C4orf33: variants seen among roughly 807,000 people sequenced by gnomAD.
C4orf33 encodes the protein UPF0462 protein C4orf33.
In C4orf33, 20 loss-of-function variants were observed where a neutral mutation model predicts 24.3. The observed-to-expected ratio is 0.82, with a 90% CI of 0.58 to 1.19. The LOEUF (loss-of-function observed/expected upper bound fraction) is 1.19. Ranked by LOEUF, C4orf33 falls within the 50% of genes most tolerant of loss-of-function variation. C4orf33 has a pLI of 0.00. For missense variants in C4orf33, 207 were observed against 225.9 expected (o/e 0.92, Z 0.54); for synonymous variants, 67 against 76.4 (o/e 0.88, Z 0.64).
At position 129,102,782 on chromosome 4, in the gene C4orf33, G is replaced by A; in HGVS notation, c.172G>A (p.Asp58Asn). 1.2e-6 allele frequency: 2 copies of A among 1,611,514 alleles called. No homozygotes were observed. Among genetic ancestry groups the A allele is most frequent in the Non-Finnish European group, 8.5e-7 (1 of 1,179,068 alleles). ...EPGKPFNELWDYEVVEAFFLN... is the reference protein window; with the variant it reads ...EPGKPFNELWNYEVVEAFFLN... ...AGGAAAACCTTTCAATGAACTGTGG[G>A]ATTATGAAGGTAAGTGGAAGTACTG... is the stretch of plus-strand genomic sequence containing the variant. The change falls in exon 2 of 6, where the codon GAT (aspartate) becomes AAT (asparagine). Residue 58 changes from aspartate to asparagine, a missense_variant. Transcript: ENST00000425929.
At chr4:129,107,116 A>G (rs188471339) in intron 3 of C4orf33, among the ~76,000 whole-genome samples, 8 of 152,008 alleles carry the variant, frequency 5.3e-5, no homozygotes, top group African/African-American at 1.9e-4. Flanking sequence ...TGTATTACAT[A>G]ATTATGCATT....
At chr4:129,096,299 G>A (rs554111346) in intron 1 of C4orf33, 90 bp downstream of exon 1, 5 of 152,198 alleles carry the variant, frequency 3.3e-5, no homozygotes, top group East Asian at 3.9e-4. Context: ...GGAAAATACT[G>A]AAAAGTATTT....
intron 3 of C4orf33, among the ~76,000 whole-genome samples, chr4:129,108,022 A>C (rs1055106077): frequency 6.6e-6 from 1 of 152,100 alleles, no homozygotes; most frequent in Non-Finnish European, 1.5e-5. Flanking sequence ...AATAATCAAG[A>C]ATCATAGTTT....
chr4:129,107,107 G>C (rs1191605913), intron 3 of C4orf33, among the ~76,000 whole-genome samples: 2 of 151,986 alleles, frequency 1.3e-5, no homozygotes, highest in Non-Finnish European at 2.9e-5. Context: ...TTAATTTTAT[G>C]TATTACATAA....
At position 129,112,363 on chromosome 4, in the gene C4orf33, C is replaced by T. The variant is rs919437065; in HGVS notation, c.*572C>T. The T allele has an allele frequency of 3.9e-5, 6 of 152,128 alleles. No homozygotes were observed. The highest frequency in any genetic ancestry group is 7.4e-5 in the Non-Finnish European group (5 of 68,016). 9.4% of individuals were successfully genotyped at this position (152,128 alleles called of 1,614,324 possible). ...AAAACATTAAGTTGAGCAAAACAAA[C>T]CAAACATAACATACTATCTAATTAC... On this transcript the variant is annotated 3_prime_UTR_variant, in exon 6 of 6. Transcript: ENST00000425929.
rs376154093 is a variant in C4orf33 at position 129,109,580 on chromosome 4, A to C, written c.402A>C (p.Ser134=). The part of the protein sequence containing the change: ...YFPPNVTKFN[S]FAIHGSKDKR... ...CACCAAATGTGACAAAATTCAATTC[A>C]TTTGCAATTCATGGATCAAAAGATA... The change falls in exon 5 of 6, where the codon TCA becomes TCC. Residue 134 remains serine, a synonymous_variant. Transcript: ENST00000425929. The C allele has an allele frequency of 5.0e-6, 8 of 1,613,948 alleles. No individual in the cohort carries two copies. Among genetic ancestry groups the C allele is most frequent in the Non-Finnish European group, 5.1e-6 (6 of 1,179,924 alleles).
intron 1 of C4orf33, among the ~76,000 whole-genome samples, chr4:129,101,421 G>C (rs988320084): frequency 6.6e-6 from 1 of 151,986 alleles, no homozygotes; most frequent in African/African-American, 2.4e-5. Context: ...GTTTGGAAAG[G>C]TTATCAGGTA....
intron 3 of C4orf33, among the ~76,000 whole-genome samples, chr4:129,107,500 A>G (rs1753553160): frequency 6.6e-6 from 1 of 152,004 alleles, no homozygotes; most frequent in Non-Finnish European, 1.5e-5. Flanking sequence ...GAGAGCTCCA[A>G]ACAATTGATT....
Position 129,106,667 on chromosome 4 carries a change from TCTTA to T in C4orf33, c.242+25_242+28del, listed in dbSNP as rs750641646. ...TTGTCCGTAAGTATAAAATGTTTTT[TCTTA>T]CTTATTACTACATAATTTGAACGTG... On this transcript the variant is annotated intron_variant, in intron 3 of 5. Transcript: ENST00000425929. 2.4e-6 allele frequency: 3 copies of T among 1,271,548 alleles called. No individual in the cohort carries two copies. The highest frequency in any genetic ancestry group is 3.4e-6 in the Non-Finnish European group (3 of 891,566). The allele number at this position is 1,271,548 out of a possible 1,614,324, so 78.8% of individuals were successfully genotyped here.
Position 129,115,831 on chromosome 4 carries a change from A to ATATATATATATATATATATAT in C4orf33, c.*4040_*4041insTATATATATATATATATATAT, listed in dbSNP as rs1561095059. On this transcript the variant is annotated 3_prime_UTR_variant, in exon 6 of 6. Transcript: ENST00000425929. ...ATATATATATATATATATATATATA[A>ATATATATATATATATATATAT]AATATATATGTTTATATATAACATA... 11 of 43,736 alleles carry ATATATATATATATATATATAT rather than the reference A, an allele frequency of 2.5e-4. No individual in the cohort carries two copies. In the East Asian group the frequency reaches 3.2e-3, roughly 13 times the overall value. 2.7% of individuals were successfully genotyped at this position (43,736 alleles called of 1,614,324 possible). A position where few individuals can be genotyped will look rare whatever the true frequency, so the allele number is the denominator to read the frequency against.
At chr4:129,097,755 T>C (rs894353790) in intron 1 of C4orf33, among the ~76,000 whole-genome samples, 3 of 152,254 alleles carry the variant, frequency 2.0e-5, no homozygotes, top group African/African-American at 4.8e-5. Flanking sequence ...GACGTATTGC[T>C]CTTCACAGAG....
intron 1 of C4orf33, among the ~76,000 whole-genome samples, chr4:129,099,578 A>T (rs149711496): frequency 6.6e-6 from 1 of 152,362 alleles, no homozygotes; most frequent in East Asian, 1.9e-4. Context: ...CAGGGAGTCA[A>T]TAAACAAATA....
chr4:129,099,454 G>A (rs895393516), intron 1 of C4orf33, among the ~76,000 whole-genome samples: 2 of 152,116 alleles, frequency 1.3e-5, no homozygotes, highest in African/African-American at 2.4e-5. Context: ...ATGATACCAC[G>A]AACACAGTAG....
intron 5 of C4orf33, chr4:129,110,142 T>C: frequency 2.7e-6 from 1 of 373,348 alleles, no homozygotes; most frequent in Non-Finnish European, 3.7e-6. Context: ...CAACACTGCT[T>C]ACGATAAAAA....
intron 3 of C4orf33, 103 bp downstream of exon 3, chr4:129,106,750 A>G (rs1238140009): frequency 1.0e-5 from 6 of 602,650 alleles, no homozygotes; most frequent in Non-Finnish European, 1.4e-5. Flanking sequence ...CAGAGTAAGA[A>G]TGGTACTCTG....
rs1392719214 is a variant in C4orf33, at chr4:129,116,351, A to C, written c.*4560A>C. ...TAGCTACATCACTGGCTCCTGAGAGAGCTTTGGGTGTTCTGTAAATTTTTT... is the reference window on the plus strand; with the variant it reads ...TAGCTACATCACTGGCTCCTGAGAGCGCTTTGGGTGTTCTGTAAATTTTTT... On this transcript the variant is annotated 3_prime_UTR_variant, in exon 6 of 6. Coordinates refer to ENST00000425929, the MANE Select transcript of C4orf33 (RefSeq NM_001099783.2). The C allele has an allele frequency of 1.3e-5, 2 of 152,144 alleles. No individual in the cohort carries two copies. Among genetic ancestry groups the C allele is most frequent in the Non-Finnish European group, 2.9e-5 (2 of 68,024 alleles). 9.4% of individuals were successfully genotyped at this position (152,144 alleles called of 1,614,324 possible).
At chr4:129,108,798 T>C (rs1753593916) in intron 3 of C4orf33, among the ~76,000 whole-genome samples, 1 of 152,208 alleles carries the variant, frequency 6.6e-6, no homozygotes, top group East Asian at 1.9e-4. Flanking sequence ...ATGCATTTGG[T>C]GGCAGTTGTC....
intron 3 of C4orf33, among the ~76,000 whole-genome samples, 182 bp from the exon 4 acceptor site, chr4:129,109,125 G>A (rs960614607): frequency 6.6e-5 from 10 of 152,138 alleles, no homozygotes; most frequent in African/African-American, 1.9e-4. Flanking sequence ...TCCTGACCTC[G>A]TGATCCACCC....
In C4orf33 at chr4:129,113,509, C is replaced by T. The variant is rs993007702; in HGVS notation, c.*1718C>T. On this transcript the variant is annotated 3_prime_UTR_variant, in exon 6 of 6. Transcript: ENST00000425929. ...TCAAATTTGTTTTTCAACTTCAGGACCATGAAAGAATAATCATCCTTTTGT... is the reference window on the plus strand; with the variant it reads ...TCAAATTTGTTTTTCAACTTCAGGATCATGAAAGAATAATCATCCTTTTGT... 2 of 152,212 alleles carry T rather than the reference C, an allele frequency of 1.3e-5. No individual in the cohort carries two copies. Among genetic ancestry groups the T allele is most frequent in the East Asian group, 1.9e-4 (1 of 5,176 alleles). 9.4% of individuals were successfully genotyped at this position (152,212 alleles called of 1,614,324 possible).
Sources: allele counts gnomAD v4.1 joint callset (sites outside exome capture counted in the v4.1 genomes callset), GRCh38; gene constraint gnomAD v4.1.1; transcripts MANE v1.5; gene names NCBI Gene and HGNC (gene_info 2026-07-23, HGNC 2026-07-21).